The following NCKAP5 variants were observed in gnomAD, a reference collection of about 807,000 sequenced individuals.
NCKAP5 encodes the protein nck-associated protein 5.
A neutral mutation model predicts 167.0 loss-of-function variants in NCKAP5; 92 were observed. The ratio of observed to expected loss-of-function variants is 0.55; its 90% CI spans 0.47 to 0.66. NCKAP5 has a LOEUF of 0.66. Among genes scored for constraint, NCKAP5 ranks in the 30% least tolerant of loss-of-function variants. NCKAP5 has a pLI of 0.00. For missense variants in NCKAP5, 2,378 were observed against 2,315.0 expected, an observed-to-expected ratio of 1.03 and a Z score of -0.56; for synonymous variants, 891 against 877.4, an observed-to-expected ratio of 1.02 and a Z score of -0.27.
intron 3 of NCKAP5, among the ~76,000 whole-genome samples, chr2:133,382,077 C>T (rs913236566): frequency 6.6e-6 from 1 of 152,336 alleles, no homozygotes; most frequent in Middle Eastern, 3.4e-3. Context: ...ACCTACTCCT[C>T]CTCGTCTGAT....
intron 3 of NCKAP5, among the ~76,000 whole-genome samples, chr2:133,361,885 T>C (rs1685127432): frequency 6.6e-6 from 1 of 152,242 alleles, no homozygotes; most frequent in South Asian, 2.1e-4. Flanking sequence ...TTCTATTGGT[T>C]TTATAGTTTT....
At chr2:132,709,909 A>C (rs1314682251) in intron 19 of NCKAP5, among the ~76,000 whole-genome samples, 2 of 152,252 alleles carry the variant, frequency 1.3e-5, no homozygotes, top group East Asian at 3.9e-4. Context: ...GACACATTTC[A>C]ACTCATTTAT....
chr2:132,903,368 A>G (rs1365307860), intron 8 of NCKAP5, among the ~76,000 whole-genome samples: 1 of 152,216 alleles, frequency 6.6e-6, no homozygotes, highest in African/African-American at 2.4e-5. Context: ...AGAAAGTTCT[A>G]TTGGATAGTA....
chr2:133,503,400 C>T (rs1682715097), intron 3 of NCKAP5, among the ~76,000 whole-genome samples: 1 of 152,124 alleles, frequency 6.6e-6, no homozygotes, highest in African/African-American at 2.4e-5. Context: ...TTATATAAGC[C>T]CAGAAGAAAA....
intron 3 of NCKAP5, among the ~76,000 whole-genome samples, chr2:133,492,921 A>AG (rs967843615): frequency 1.3e-5 from 2 of 152,182 alleles, no homozygotes; most frequent in Non-Finnish European, 2.9e-5. Flanking sequence ...TCACAAGGGG[A>AG]GGGCCAGTGT....
At chr2:133,547,120 C>G (rs540691095) in intron 2 of NCKAP5, among the ~76,000 whole-genome samples, 3 of 152,188 alleles carry the variant, frequency 2.0e-5, no homozygotes, top group African/African-American at 2.4e-5. Context: ...GGGTGACGGA[C>G]GCACCTGGAA....
intron 5 of NCKAP5, among the ~76,000 whole-genome samples, chr2:133,137,189 T>A (rs1386803123): frequency 6.6e-6 from 1 of 152,148 alleles, no homozygotes; most frequent in East Asian, 1.9e-4. Flanking sequence ...TCCCCATTAG[T>A]TATGAAAGAT....
At chr2:133,469,315 C>A (rs1478012297) in intron 3 of NCKAP5, among the ~76,000 whole-genome samples, 1 of 151,832 alleles carries the variant, frequency 6.6e-6, no homozygotes, top group Non-Finnish European at 1.5e-5. Context: ...AAATTCTTTT[C>A]TTTAAGAATG....
chr2:132,892,632 T>C (rs148588745), intron 8 of NCKAP5, among the ~76,000 whole-genome samples: 289 of 152,316 alleles, frequency 1.9e-3, no homozygotes, highest in African/African-American at 6.7e-3. Context: ...GCAAAACTCA[T>C]TGACTGATTT....
At chr2:133,586,033 A>G in the NCKAP5 span, among the ~76,000 whole-genome samples, 2 of 152,254 alleles carry the variant, frequency 1.3e-5, no homozygotes, top group African/African-American at 4.8e-5. Context: ...GGGATTAAGT[A>G]TGAACAGATA....
chr2:133,201,994 C>T (rs1042922089), intron 5 of NCKAP5, among the ~76,000 whole-genome samples: 1 of 152,200 alleles, frequency 6.6e-6, no homozygotes, highest in Non-Finnish European at 1.5e-5. Context: ...CCATCCCCAT[C>T]AGGCTACCAA....
chr2:132,935,270 G>A (rs1696753633), intron 8 of NCKAP5, among the ~76,000 whole-genome samples: 1 of 152,198 alleles, frequency 6.6e-6, no homozygotes, highest in South Asian at 2.1e-4. Flanking sequence ...CTCATGGAAA[G>A]AGAAAAGCCA....
intron 6 of NCKAP5, among the ~76,000 whole-genome samples, chr2:133,090,567 C>T (rs1289550372): frequency 6.6e-6 from 1 of 152,098 alleles, no homozygotes; most frequent in Non-Finnish European, 1.5e-5. Context: ...GCTCTGCAGA[C>T]ACCTTGATTA....
the NCKAP5 span, among the ~76,000 whole-genome samples, chr2:133,665,085 C>T: frequency 6.6e-6 from 1 of 152,170 alleles, no homozygotes; most frequent in African/African-American, 2.4e-5. Flanking sequence ...GGTCTATCTT[C>T]AAGACCACTA....
intron 4 of NCKAP5, among the ~76,000 whole-genome samples, chr2:133,218,413 C>T (rs561957333): frequency 3.9e-5 from 6 of 152,106 alleles, no homozygotes; most frequent in Non-Finnish European, 8.8e-5. Flanking sequence ...TGTCATAAGA[C>T]TTCTAGAAAA....
At chr2:133,379,720 C>G (rs1277325524) in intron 3 of NCKAP5, among the ~76,000 whole-genome samples, 5 of 152,096 alleles carry the variant, frequency 3.3e-5, no homozygotes, top group Non-Finnish European at 2.9e-5. Context: ...AATGAAAAAC[C>G]TTACTAATAT....
At chr2:132,800,554 G>T (rs1226015322) in intron 11 of NCKAP5, among the ~76,000 whole-genome samples, 2 of 152,108 alleles carry the variant, frequency 1.3e-5, no homozygotes, top group Non-Finnish European at 2.9e-5. Flanking sequence ...CTTTGACGGT[G>T]ACAGTCTAAC....
rs151306829 is a variant in NCKAP5, at chr2:133,345,368, T to A, written c.70-42258A>T. Among the ~76,000 whole-genome samples, 460 of 152,328 alleles carry A rather than the reference T, an allele frequency of 3.0e-3. 2 individuals are homozygous for A. Among genetic ancestry groups the A allele is most frequent in the African/African-American group, 0.011 (442 of 41,578 alleles). On this transcript the variant is annotated intron_variant, in intron 3 of 19. Coordinates refer to ENST00000409261, the MANE Select transcript of NCKAP5 (RefSeq NM_207363.3). ...ATTAAAAAAAAAAGATACTCCATTT[T>A]CATCATAGTCCTGTTAAAATCCATG...
intron 6 of NCKAP5, among the ~76,000 whole-genome samples, chr2:133,015,359 CT>C (rs11347448): frequency 0.74 from 112,600 of 151,148 alleles, 42,010 homozygotes; most frequent in Middle Eastern, 0.83. Flanking sequence ...GAACCGAACT[CT>C]TTTTTTTTTC....
Sources: allele counts gnomAD v4.1 joint callset (sites outside exome capture counted in the v4.1 genomes callset), GRCh38; gene constraint gnomAD v4.1.1; transcripts MANE v1.5; gene names NCBI Gene and HGNC (gene_info 2026-07-23, HGNC 2026-07-21).